The following MROH7 variants were observed in gnomAD, a reference collection of about 807,000 sequenced individuals.
MROH7 encodes the protein maestro heat like repeat family member 7.
In MROH7, 113 loss-of-function variants were observed where a neutral mutation model predicts 129.2. The ratio of observed to expected loss-of-function variants is 0.87; its 90% confidence interval spans 0.75 to 1.02. MROH7 has a LOEUF of 1.02. MROH7 is among the 50% of genes least tolerant of loss of function. The pLI is 0.00. For missense variants in MROH7, 1,601 were observed against 1,671.3 expected (o/e 0.96, Z 0.73); for synonymous variants, 655 against 667.9 (o/e 0.98, Z 0.30).
chr1:54,677,181 C>T (rs1569925218), intron 10 of MROH7, among the ~76,000 whole-genome samples: 1 of 152,138 alleles, frequency 6.6e-6, no homozygotes, highest in Non-Finnish European at 1.5e-5. Flanking sequence ...GGTGGATCAG[C>T]TGAGGTCCGG....
chr1:54,686,352 A>C lies in MROH7; in HGVS notation c.2615A>C (p.Gln872Pro), dbSNP rs760470973. ...CAGCTGCTCCTGGCCCTGCTCATTC[A>C]GGTCCATTACCACATCGGCCTCAAC... ...YPQLLLALLI[Q>P]VHYHIGLNLP... Residue 872 changes from glutamine to proline, a missense_variant, in exon 15 of 24, where the codon CAG becomes CCG. Gln to Pro is a moderately conservative substitution (Grantham distance 76). Coordinates refer to ENST00000421030, the MANE Select transcript of MROH7 (RefSeq NM_001039464.4). 1 of 1,614,142 alleles carries C rather than the reference A, an allele frequency of 6.2e-7. No individual in the cohort carries two copies. The highest frequency in any genetic ancestry group is 8.5e-7 in the Non-Finnish European group (1 of 1,180,022).
At chr1:54,697,585 T>C in intron 17 of MROH7, 1 of 652,678 alleles carries the variant, frequency 1.5e-6, no homozygotes, top group Non-Finnish European at 2.8e-6. Context: ...TACCATTACT[T>C]ACAGGCCTAC....
At chr1:54,694,017 G>T (rs1645281239) in intron 16 of MROH7, among the ~76,000 whole-genome samples, 1 of 152,176 alleles carries the variant, frequency 6.6e-6, no homozygotes, top group East Asian at 1.9e-4. Context: ...GAGTAGCTGG[G>T]ATCACAGGCA....
intron 5 of MROH7, among the ~76,000 whole-genome samples, chr1:54,669,861 G>A (rs754188263): frequency 1.5e-4 from 23 of 152,010 alleles, no homozygotes; most frequent in Non-Finnish European, 2.6e-4. Context: ...AAGCTTAGCC[G>A]GACATGGTGG....
At chr1:54,647,498 C>T (rs564993597) in intron 1 of MROH7, among the ~76,000 whole-genome samples, 39 of 152,070 alleles carry the variant, frequency 2.6e-4, no homozygotes, top group African/African-American at 8.4e-4. Context: ...CCAGCACCTT[C>T]GCAGGCCAAG....
In MROH7 at chr1:54,651,787, ACT is replaced by A. The variant is rs4060836; in HGVS notation, c.-109-139_-109-138del. On this transcript the variant is annotated intron_variant, in intron 1 of 23. Transcript: ENST00000421030. Reference sequence around the variant, plus strand: ...TTCCTTATGTATAAATATTAAACTTACTCTCTCTCTCTCTCTCTCTCTCTGTG... The same window carrying A: ...TTCCTTATGTATAAATATTAAACTTACTCTCTCTCTCTCTCTCTCTCTGTG... 1.8e-3 allele frequency: 234 copies of A among 128,892 alleles called. 1 individual carries two copies. Among genetic ancestry groups the A allele is most frequent in the African/African-American group, 5.3e-3 (176 of 33,406 alleles). The allele number at this position is 128,892 out of a possible 1,614,324, so 8.0% of individuals were successfully genotyped here.
chr1:54,662,540 GA>G (rs751697203), intron 3 of MROH7, among the ~76,000 whole-genome samples: 3,496 of 140,968 alleles, frequency 0.025, 130 homozygotes, highest in African/African-American at 0.083. Flanking sequence ...CCATTTCAAA[GA>G]AAAAAAAAAA....
chr1:54,674,109 G>A lies in MROH7; in HGVS notation c.1894G>A (p.Asp632Asn). ...PDEEIGCEAL[D>N]GIIILYTILE... Reference sequence around the variant, plus strand: ...TGAGGAGATTGGCTGTGAGGCTCTGGACGGCATCATCATCCTCTACACTAT... The same window carrying A: ...TGAGGAGATTGGCTGTGAGGCTCTGAACGGCATCATCATCCTCTACACTAT... The change falls in exon 10 of 24, where the codon GAC becomes AAC. Residue 632 changes from aspartate to asparagine, a missense_variant. Asp to Asn is a conservative substitution (Grantham distance 23, BLOSUM62 1). Coordinates refer to ENST00000421030, the MANE Select transcript of MROH7 (RefSeq NM_001039464.4). 1 of 1,614,050 alleles carries A rather than the reference G, an allele frequency of 6.2e-7. No individual in the cohort carries two copies. Among genetic ancestry groups the A allele is most frequent in the Non-Finnish European group, 8.5e-7 (1 of 1,179,984 alleles).
rs1328981713 is a variant in MROH7, at chr1:54,700,396, C to A, written c.3040C>A (p.His1014Asn). 6.2e-7 allele frequency: 1 copy of A among 1,613,732 alleles called. No homozygotes were observed. Among genetic ancestry groups the A allele is most frequent in the Non-Finnish European group, 8.5e-7 (1 of 1,179,878 alleles). ...GCGGATGGCAGAAGGCCTGAGCCAC[C>A]ACGACCCCATCATGAAGGTGCTGTC... ...LGRMAEGLSH[H>N]DPIMKVLSIR... Residue 1014 changes from histidine (H) to asparagine (N), a missense_variant, in exon 18 of 24, where the codon CAC becomes AAC. Coordinates refer to ENST00000421030, the MANE Select transcript of MROH7 (RefSeq NM_001039464.4).
Position 54,653,456 on chromosome 1 carries a change from C to T in MROH7, c.530C>T (p.Pro177Leu). 1 of 1,614,148 alleles carries T rather than the reference C, an allele frequency of 6.2e-7. No individual in the cohort carries two copies. The highest frequency in any genetic ancestry group is 1.3e-5 in the African/African-American group (1 of 75,044). Residue 177 changes from proline (P) to leucine (L), a missense_variant, in exon 3 of 24, where the codon CCA becomes CTA. Transcript: ENST00000421030. ...AACCCTTCTAGGCATGAATTAAACC[C>T]ATTTATAAGGCACCATTCCAGAGAA... ...NSNPSRHELN[P>L]FIRHHSREGL...
intron 14 of MROH7, among the ~76,000 whole-genome samples, chr1:54,683,886 C>T (rs1156685365): frequency 6.6e-6 from 1 of 152,142 alleles, no homozygotes; most frequent in Non-Finnish European, 1.5e-5. Flanking sequence ...CAAATCTGTA[C>T]GTAGTATATT....
intron 16 of MROH7, among the ~76,000 whole-genome samples, chr1:54,693,230 A>C (rs902398502): frequency 1.3e-5 from 2 of 152,208 alleles, no homozygotes; most frequent in African/African-American, 4.8e-5. Flanking sequence ...TGTGTAGTAC[A>C]TGATGGTAAG....
chr1:54,649,676 C>G (rs1484506303), intron 1 of MROH7, among the ~76,000 whole-genome samples: 1 of 152,188 alleles, frequency 6.6e-6, no homozygotes, highest in Non-Finnish European at 1.5e-5. Flanking sequence ...ATCACTGCCT[C>G]GTAGGCTGCA....
At chr1:54,663,892 T>C (rs1644773398) in intron 3 of MROH7, 1 of 403,296 alleles carries the variant, frequency 2.5e-6, no homozygotes, top group Non-Finnish European at 4.8e-6. Context: ...TCACTACAAT[T>C]GGTGTATCTA....
intron 17 of MROH7, among the ~76,000 whole-genome samples, chr1:54,696,659 C>CTTTTTTTTTT (rs1157748080): frequency 1.3e-4 from 9 of 66,896 alleles, no homozygotes; most frequent in African/African-American, 3.4e-4. Flanking sequence ...AATTTCCTTA[C>CTTTTTTTTTT]TTTTTTTTTT....
At chr1:54,695,783 C>T in intron 17 of MROH7, 1 of 419,442 alleles carries the variant, frequency 2.4e-6, no homozygotes, top group Non-Finnish European at 4.5e-6. Context: ...TTTGACTCTA[C>T]CCTGCCCTCA....
At chr1:54,665,510 G>C (rs1644799873) in intron 4 of MROH7, 2 of 316,006 alleles carry the variant, frequency 6.3e-6, no homozygotes, top group Non-Finnish European at 1.2e-5. Context: ...ACGGTGCCTG[G>C]CACATAATAG....
chr1:54,708,415 T>TC, intron 22 of MROH7, among the ~76,000 whole-genome samples: 1 of 107,226 alleles, frequency 9.3e-6, no homozygotes, highest in South Asian at 3.4e-4. Context: ...CAACACTGTC[T>TC]AAAAACAAAC....
At chr1:54,699,952 G>T in intron 17 of MROH7, 1 of 601,736 alleles carries the variant, frequency 1.7e-6, no homozygotes. Flanking sequence ...CATTTTGCCA[G>T]CACAGAAGGG....
Sources: allele counts gnomAD v4.1 joint callset (sites outside exome capture counted in the v4.1 genomes callset), GRCh38; gene constraint gnomAD v4.1.1; transcripts MANE v1.5; gene names NCBI Gene and HGNC (gene_info 2026-07-23, HGNC 2026-07-21).